The following LANCL2 variants were observed in gnomAD, a reference collection of about 807,000 sequenced individuals.
LANCL2 encodes LanC like glutathione S-transferase 2, also known as lanC-like protein 2.
LANCL2 carries 33 observed loss-of-function variants against 56.9 expected under a neutral mutation model. The observed-to-expected ratio is 0.58, with a 90% CI of 0.44 to 0.78. LANCL2 has a LOEUF of 0.78. LANCL2 is among the 30% of genes least tolerant of loss of function. The probability of loss-of-function intolerance (pLI) is 0.00; values close to 1 mark genes in which losing one functional copy is unlikely to be tolerated. For synonymous variants in LANCL2, 233 were observed against 228.2 expected, an observed-to-expected ratio of 1.02 and a Z score of -0.19; for missense variants, 562 against 580.2, an observed-to-expected ratio of 0.97 and a Z score of 0.32.
intron 2 of LANCL2, among the ~76,000 whole-genome samples, chr7:55,393,716 C>T (rs1463099763): frequency 6.6e-6 from 1 of 152,022 alleles, no homozygotes; most frequent in Non-Finnish European, 1.5e-5. Flanking sequence ...TATTATTTGC[C>T]TATTATGCAT....
Position 55,411,911 on chromosome 7 carries a change from C to T in LANCL2, c.830C>T (p.Ala277Val). 1.2e-6 allele frequency: 2 copies of T among 1,606,716 alleles called. No homozygotes were observed. Among genetic ancestry groups the T allele is most frequent in the Non-Finnish European group, 1.7e-6 (2 of 1,174,954 alleles). ...AGIYYMLMQPAAKVDQETLTE... is the reference protein window; with the variant it reads ...AGIYYMLMQPVAKVDQETLTE... ...TTCATTTTTGTTTGTTTAAAGCCGG[C>T]AGCAAAAGTGGACCAAGAAACCTTG... is the stretch of plus-strand genomic sequence containing the variant. The change falls in exon 6 of 9, where the codon GCA becomes GTA. Residue 277 changes from alanine (A) to valine (V), a missense_variant. Ala to Val is a moderately conservative substitution (Grantham distance 64, BLOSUM62 0). Around this residue, in one of 2 missense-constraint regions of LANCL2, gnomAD observed 378 missense variants for 468.4 expected, o/e 0.81. Transcript: ENST00000254770.
At chr7:55,400,549 A>G (rs1487032073) in intron 4 of LANCL2, among the ~76,000 whole-genome samples, 1 of 152,214 alleles carries the variant, frequency 6.6e-6, no homozygotes, top group African/African-American at 2.4e-5. Context: ...TTAGGGACTC[A>G]GTCTCCAAGT....
Position 55,366,111 on chromosome 7 carries a change from C to T in LANCL2, c.86C>T (p.Pro29Leu), listed in dbSNP as rs374989248. Residue 29 changes from proline (P) to leucine (L), a missense_variant, in exon 1 of 9, where the codon CCG becomes CTG. Transcript: ENST00000254770. ...MEERAFVNPFPDYEAAAGALL... is the reference protein window; with the variant it reads ...MEERAFVNPFLDYEAAAGALL... ...GAACGGGCGTTCGTCAACCCCTTCC[C>T]GGACTACGAGGCCGCCGCCGGGGCG... 14 of 1,545,242 alleles carry T rather than the reference C, an allele frequency of 9.1e-6. No individual in the cohort carries two copies. The East Asian group carries it at 2.4e-4, about 27-fold the overall frequency.
Position 55,422,400 on chromosome 7 carries a change from G to A in LANCL2, c.1009-2854G>A, listed in dbSNP as rs1329005254. Among the ~76,000 whole-genome samples the A allele has an allele frequency of 3.9e-5, 6 of 152,072 alleles. No homozygotes were observed. In the East Asian group the frequency reaches 5.8e-4, roughly 15 times the overall value. On this transcript the variant is annotated intron_variant, in intron 6 of 8. Transcript: ENST00000254770. ...CATTCTTTGCACTATTCTCTTGTAT[G>A]GAACATGTGCTTTTTCTCTAGAGGC...
chr7:55,425,649 T>C (rs1790656534), intron 7 of LANCL2, among the ~76,000 whole-genome samples: 1 of 152,234 alleles, frequency 6.6e-6, no homozygotes, highest in East Asian at 1.9e-4. Context: ...CTGAAGAATA[T>C]GTGTCCTGGA....
At chr7:55,404,221 A>G (rs934751640) in intron 5 of LANCL2, among the ~76,000 whole-genome samples, 11 of 152,126 alleles carry the variant, frequency 7.2e-5, no homozygotes, top group African/African-American at 9.7e-5. Flanking sequence ...CCAAGCGCAC[A>G]GCCGCCTCTG....
chr7:55,429,098 T>G (rs530189948), intron 8 of LANCL2, among the ~76,000 whole-genome samples: 56 of 152,236 alleles, frequency 3.7e-4, no homozygotes, highest in Non-Finnish European at 6.2e-4. Context: ...GCATCTCTAT[T>G]CATGAAGGAT....
intron 2 of LANCL2, among the ~76,000 whole-genome samples, chr7:55,392,306 G>C (rs898249121): frequency 5.3e-5 from 8 of 151,480 alleles, no homozygotes; most frequent in African/African-American, 1.9e-4. Context: ...AAAATAAAAT[G>C]GTAAAGATTT....
intron 6 of LANCL2, among the ~76,000 whole-genome samples, chr7:55,421,418 A>T (rs1790607190): frequency 6.8e-6 from 1 of 147,184 alleles, no homozygotes; most frequent in Admixed American, 6.9e-5. Flanking sequence ...AGCTCACTGC[A>T]ACCTCCGCCT....
In LANCL2 at chr7:55,366,021, CG is replaced by C. The variant is rs915924198; in HGVS notation, c.-3del. On this transcript the variant is annotated 5_prime_UTR_variant, in exon 1 of 9. Transcript: ENST00000254770. Reference sequence around the variant, plus strand: ...TCCCCGCCCGCGCGCCGTACCGCGGCGGAGATGGGCGAGACCATGTCAAAGA... The same window carrying C: ...TCCCCGCCCGCGCGCCGTACCGCGGCGAGATGGGCGAGACCATGTCAAAGA... 5 of 1,439,452 alleles carry C rather than the reference CG, an allele frequency of 3.5e-6. No individual in the cohort carries two copies. The African/African-American group carries it at 7.5e-5, about 22-fold the overall frequency. The allele number at this position is 1,439,452 out of a possible 1,614,324, so 89.2% of individuals were successfully genotyped here. A position where few individuals can be genotyped will look rare whatever the true frequency, so the allele number is the denominator to read the frequency against.
At position 55,418,426 on chromosome 7, in the gene LANCL2, CA is replaced by C. The variant is rs371901389; in HGVS notation, c.1008+6338del. Among the ~76,000 whole-genome samples the C allele has an allele frequency of 2.5e-3, 376 of 152,220 alleles. 4 individuals are homozygous for C. The highest frequency in any genetic ancestry group is 8.7e-3 in the African/African-American group (360 of 41,524). Reference sequence around the variant, plus strand: ...AACTCCCAAGTTCAAGGGTTCTACCCACCTCGGCCTCCCAAAGTGCTGGGAT... The same window carrying C: ...AACTCCCAAGTTCAAGGGTTCTACCCCCTCGGCCTCCCAAAGTGCTGGGAT... On this transcript the variant is annotated intron_variant, in intron 6 of 8. Transcript: ENST00000254770.
chr7:55,411,819 G>T, intron 5 of LANCL2, 88 bp from the exon 6 acceptor site: 1 of 1,259,434 alleles, frequency 7.9e-7, no homozygotes. Context: ...TTGTTTTCCA[G>T]GTAATTGATG....
At chr7:55,366,566 G>C (rs1453976065) in intron 1 of LANCL2, among the ~76,000 whole-genome samples, 1 of 152,170 alleles carries the variant, frequency 6.6e-6, no homozygotes, top group Non-Finnish European at 1.5e-5. Context: ...CTGCGCGGCG[G>C]AGCGCTCCGC....
intron 1 of LANCL2, among the ~76,000 whole-genome samples, chr7:55,375,413 C>G (rs1789989866): frequency 6.6e-6 from 1 of 152,228 alleles, no homozygotes; most frequent in African/African-American, 2.4e-5. Context: ...AATACCATCT[C>G]TGTCCTTCAG....
At chr7:55,420,133 TCTAA>T (rs1057287201) in intron 6 of LANCL2, among the ~76,000 whole-genome samples, 2 of 152,268 alleles carry the variant, frequency 1.3e-5, no homozygotes, top group East Asian at 1.9e-4. Flanking sequence ...TTTGCTCTTT[TCTAA>T]CTTTTTAAAG....
intron 1 of LANCL2, among the ~76,000 whole-genome samples, chr7:55,379,032 GAGGCAGGAGAATGGTGTGA>G (rs992393682): frequency 1.7e-4 from 26 of 152,308 alleles, no homozygotes; most frequent in African/African-American, 5.5e-4. Flanking sequence ...TCGGGAAGCT[GAGGCAGGAGAATGGTGTGA>G]AGGCAGGAGA....
At chr7:55,391,014 C>CTT (rs576740411) in intron 1 of LANCL2, among the ~76,000 whole-genome samples, 4,578 of 113,696 alleles carry the variant, frequency 0.04, 461 homozygotes, top group African/African-American at 0.15. Flanking sequence ...AGTGATTGAA[C>CTT]TTTTTTTTTT....
At chr7:55,397,210 C>T (rs1482531559) in intron 2 of LANCL2, 1 of 152,118 alleles carries the variant, frequency 6.6e-6, no homozygotes, top group Non-Finnish European at 1.5e-5. Flanking sequence ...GCCTGTTAAT[C>T]CCAGCACTTT....
intron 1 of LANCL2, among the ~76,000 whole-genome samples, chr7:55,373,116 G>T (rs1447582094): frequency 6.6e-6 from 1 of 152,154 alleles, no homozygotes; most frequent in African/African-American, 2.4e-5. Context: ...GTAAGTTTAT[G>T]CTTGAAACTT....
Sources: gnomAD v4.1 joint callset for allele counts (sites outside exome capture counted in the v4.1 genomes callset) on GRCh38, gnomAD v4.1.1 for gene constraint, gnomAD v4.1.1 regional missense constraint, MANE v1.5 for transcripts, NCBI Gene and HGNC (gene_info 2026-07-23, HGNC 2026-07-21) for gene names.